RABGAP1L: variants seen among roughly 807,000 people sequenced by gnomAD.
The protein encoded by RABGAP1L is rab GTPase-activating protein 1-like.
RABGAP1L carries 63 observed loss-of-function variants against 137.7 expected under a neutral mutation model. The observed-to-expected ratio is 0.46, with a 90% confidence interval of 0.37 to 0.56. RABGAP1L has a LOEUF of 0.56. Ranked by LOEUF, RABGAP1L falls within the 20% of genes least tolerant of loss-of-function variation. RABGAP1L has a pLI of 0.00. For missense variants in RABGAP1L, 1,095 were observed against 1,244.0 expected, an observed-to-expected ratio of 0.88 and a Z score of 1.80; for synonymous variants, 431 against 433.7, an observed-to-expected ratio of 0.99 and a Z score of 0.08.
At chr1:174,572,792 C>T (rs895242459) in intron 13 of RABGAP1L, among the ~76,000 whole-genome samples, 1 of 152,162 alleles carries the variant, frequency 6.6e-6, no homozygotes, top group African/African-American at 2.4e-5. Flanking sequence ...TTGAAACTTG[C>T]TCTACTACTT....
At chr1:174,317,436 T>A (rs1679486066) in intron 11 of RABGAP1L, among the ~76,000 whole-genome samples, 1 of 152,084 alleles carries the variant, frequency 6.6e-6, no homozygotes, top group East Asian at 1.9e-4. Context: ...TCTAGAAATG[T>A]CTAGGAGCTA....
chr1:174,846,193 A>AT lies in RABGAP1L; in HGVS notation c.2340+34239dup, dbSNP rs1400501344. On this transcript the variant is annotated intron_variant, in intron 19 of 25. Transcript: ENST00000681986. ...AAAAAACCAGCTCCTGGATTCATTGATTTTTTGAAGGGTTTTTTGTGTCTC... is the reference window on the plus strand; with the variant it reads ...AAAAAACCAGCTCCTGGATTCATTGATTTTTTTGAAGGGTTTTTTGTGTCTC... Among the ~76,000 whole-genome samples, 5 of 147,688 alleles carry AT rather than the reference A, an allele frequency of 3.4e-5. 1 individual carries two copies. The highest frequency in any genetic ancestry group is 2.2e-4 in the South Asian group (1 of 4,552).
chr1:174,626,298 C>A (rs1277749489), intron 13 of RABGAP1L, among the ~76,000 whole-genome samples: 2 of 152,170 alleles, frequency 1.3e-5, no homozygotes, highest in Non-Finnish European at 2.9e-5. Flanking sequence ...TGCCCATAGG[C>A]CTCAGTGCCT....
chr1:174,475,604 T>G lies in RABGAP1L; in HGVS notation c.1710+81459T>G, dbSNP rs140147611. Among the ~76,000 whole-genome samples, 34 of 151,958 alleles carry G rather than the reference T, an allele frequency of 2.2e-4. 2 individuals carry two copies. Among genetic ancestry groups the G allele is most frequent in the African/African-American group, 8.0e-4 (33 of 41,464 alleles). ...TTTGAAAGGATGCCAAGCAAGGATT[T>G]ATGGCATATTAAGGCAGATCAAGCC... On this transcript the variant is annotated intron_variant, in intron 13 of 25. Coordinates refer to ENST00000681986, the MANE Select transcript of RABGAP1L (RefSeq NM_001366446.1).
intron 13 of RABGAP1L, among the ~76,000 whole-genome samples, chr1:174,616,005 G>C (rs1671816386): frequency 1.3e-5 from 2 of 151,932 alleles, no homozygotes; most frequent in African/African-American, 2.4e-5. Context: ...GCTAGCAAAG[G>C]GAACTCCCTG....
chr1:174,220,524 T>C (rs1052289826), intron 2 of RABGAP1L, among the ~76,000 whole-genome samples: 7 of 151,966 alleles, frequency 4.6e-5, no homozygotes, highest in African/African-American at 1.7e-4. Flanking sequence ...AAAAATTAGC[T>C]GGGTGTGGTC....
At position 174,305,009 on chromosome 1, in the gene RABGAP1L, T is replaced by A; in HGVS notation, c.1347T>A (p.Asn449Lys). The A allele has an allele frequency of 6.4e-7, 1 of 1,557,922 alleles. No individual in the cohort carries two copies. ...LKQSEGKGHT[N>K]AGDAIYEVVS... is the part of the protein sequence containing the mutation. ...AGTCTGAGGGAAAAGGCCATACCAA[T>A]GCTGGAGATGCAATATATGAGGTGG... Residue 449 changes from asparagine (N) to lysine (K), a missense_variant, in exon 11 of 26, where the codon AAT (asparagine) becomes AAA (lysine). This residue lies in a region of RABGAP1L where 315 missense variants were observed against 324.8 expected (regional missense o/e 0.97). Transcript: ENST00000681986.
At chr1:174,609,586 G>T (rs79226989) in intron 13 of RABGAP1L, among the ~76,000 whole-genome samples, 1 of 152,026 alleles carries the variant, frequency 6.6e-6, no homozygotes, top group Non-Finnish European at 1.5e-5. Context: ...ATAATCCAGA[G>T]GTACACTGAA....
At chr1:174,753,467 C>A (rs332800) in intron 18 of RABGAP1L, among the ~76,000 whole-genome samples, 1 of 151,958 alleles carries the variant, frequency 6.6e-6, no homozygotes, top group Non-Finnish European at 1.5e-5. Context: ...GATTTCTATT[C>A]CTCATCTCTT....
intron 13 of RABGAP1L, among the ~76,000 whole-genome samples, chr1:174,471,365 G>A (rs1657917274): frequency 6.6e-6 from 1 of 152,176 alleles, no homozygotes. Context: ...AACAGGGAAA[G>A]TAAAACTGTT....
chr1:174,427,463 G>T (rs1032644626), intron 13 of RABGAP1L, among the ~76,000 whole-genome samples: 2 of 151,886 alleles, frequency 1.3e-5, no homozygotes, highest in East Asian at 3.9e-4. Context: ...TCTTAAAAAG[G>T]GATTTCTGTC....
intron 13 of RABGAP1L, among the ~76,000 whole-genome samples, chr1:174,615,006 C>G (rs891349352): frequency 6.6e-6 from 1 of 152,206 alleles, no homozygotes; most frequent in Admixed American, 6.5e-5. Context: ...TTATTAACTT[C>G]TTTGCCTTTG....
intron 13 of RABGAP1L, among the ~76,000 whole-genome samples, chr1:174,471,024 A>G (rs2149306981): frequency 7.2e-6 from 1 of 137,970 alleles, no homozygotes; most frequent in South Asian, 2.2e-4. Flanking sequence ...GCTTATACAT[A>G]GCAGGTATTT....
At chr1:174,621,546 A>C (rs766858128) in intron 13 of RABGAP1L, among the ~76,000 whole-genome samples, 1 of 152,134 alleles carries the variant, frequency 6.6e-6, no homozygotes, top group East Asian at 1.9e-4. Flanking sequence ...CAGAAGTAAC[A>C]CGGCATATCT....
At chr1:174,948,374 T>C (rs1667198845) in intron 19 of RABGAP1L, among the ~76,000 whole-genome samples, 1 of 151,492 alleles carries the variant, frequency 6.6e-6, no homozygotes, top group South Asian at 2.1e-4. Flanking sequence ...TACAAAAAAT[T>C]AGCCAGGTAT....
At chr1:174,371,134 A>G (rs904902442) in intron 12 of RABGAP1L, 62 bp downstream of exon 12, 4 of 929,394 alleles carry the variant, frequency 4.3e-6, no homozygotes, top group Non-Finnish European at 6.5e-6. Flanking sequence ...AATTTGTTGT[A>G]TTAAAATCTG....
At chr1:174,261,307 T>G (rs1204143955) in intron 7 of RABGAP1L, among the ~76,000 whole-genome samples, 1 of 152,160 alleles carries the variant, frequency 6.6e-6, no homozygotes, top group East Asian at 1.9e-4. Flanking sequence ...TATATATACA[T>G]TAGAAAAACA....
chr1:174,642,478 G>T (rs188960344), intron 14 of RABGAP1L, among the ~76,000 whole-genome samples: 1 of 152,036 alleles, frequency 6.6e-6, no homozygotes, highest in African/African-American at 2.4e-5. Flanking sequence ...CTAGACATAG[G>T]GGGTATTTGT....
chr1:174,534,802 A>AAAAAAAAAAAT lies in RABGAP1L; in HGVS notation c.1711-102571_1711-102570insAAAAAAAATAA, dbSNP rs1553324953. 8.0e-5 allele frequency among the ~76,000 whole-genome samples: 11 copies of AAAAAAAAAAAT among 137,308 alleles called. 1 individual carries two copies. In the East Asian group the frequency reaches 1.0e-3, roughly 13 times the overall value. The allele number at this position is 137,308 out of a possible 152,430, so 90.1% of individuals were successfully genotyped here. A position where few individuals can be genotyped will look rare whatever the true frequency, so the allele number is the denominator to read the frequency against. ...AAAAAAAAAAAAAAAAAAAAAAAAA[A>AAAAAAAAAAAT]AATAATTAGAATAGTATGCCAGTAT... On this transcript the variant is annotated intron_variant, in intron 13 of 25. Coordinates refer to ENST00000681986, the MANE Select transcript of RABGAP1L (RefSeq NM_001366446.1).
Sources: gnomAD v4.1 joint callset for allele counts (sites outside exome capture counted in the v4.1 genomes callset) on GRCh38, gnomAD v4.1.1 for gene constraint, gnomAD v4.1.1 regional missense constraint, MANE v1.5 for transcripts, NCBI Gene and HGNC (gene_info 2026-07-23, HGNC 2026-07-21) for gene names.